USP8: variants seen among roughly 807,000 people sequenced by gnomAD.
USP8 encodes the protein ubiquitin carboxyl-terminal hydrolase 8.
Under a neutral mutation model 130.0 loss-of-function variants are expected in USP8, and 27 were observed. The ratio of observed to expected loss-of-function variants is 0.21; its 90% confidence interval spans 0.15 to 0.29. The LOEUF (loss-of-function observed/expected upper bound fraction) is 0.29, where lower values mean the gene tolerates loss of function less well. Ranked by LOEUF, USP8 falls within the 10% of genes least tolerant of loss-of-function variation. USP8 has a pLI of 1.00. For missense variants in USP8, 1,029 were observed against 1,312.2 expected (o/e 0.78, Z 3.33); for synonymous variants, 392 against 444.1 (o/e 0.88, Z 1.48).
intron 1 of USP8, among the ~76,000 whole-genome samples, chr15:50,430,899 CTG>C (rs892972355): frequency 2.0e-5 from 3 of 152,134 alleles, no homozygotes; most frequent in African/African-American, 7.2e-5. Flanking sequence ...TCGGCAATGA[CTG>C]TAGACAGTTT....
chr15:50,445,997 G>A (rs913507431), intron 3 of USP8, among the ~76,000 whole-genome samples: 4 of 151,940 alleles, frequency 2.6e-5, no homozygotes, highest in African/African-American at 9.7e-5. Context: ...GAAAAAGTGG[G>A]GAAAGAAAAT....
chr15:50,441,540 T>A, intron 3 of USP8, 47 bp downstream of exon 3: 2 of 1,477,008 alleles, frequency 1.4e-6, no homozygotes, highest in East Asian at 4.8e-5. Flanking sequence ...TTTTGCATAA[T>A]GGAGCTATTG....
intron 11 of USP8, among the ~76,000 whole-genome samples, 154 bp downstream of exon 11, chr15:50,482,219 T>C (rs2051800806): frequency 6.6e-6 from 1 of 152,256 alleles, no homozygotes; most frequent in Non-Finnish European, 1.5e-5. Flanking sequence ...GCTCATCTAT[T>C]CTCCTTTGAG....
chr15:50,466,820 C>T (rs1238654993), intron 7 of USP8: 1 of 294,802 alleles, frequency 3.4e-6, no homozygotes, highest in Non-Finnish European at 6.7e-6. Flanking sequence ...CTATGAGCCA[C>T]AGCATAAAAT....
chr15:50,429,224 T>TAAAAA (rs2049847730), intron 1 of USP8, among the ~76,000 whole-genome samples: 1 of 152,036 alleles, frequency 6.6e-6, no homozygotes, highest in African/African-American at 2.4e-5. Flanking sequence ...ACATGTCTTT[T>TAAAAA]TAATAGAGTA....
chr15:50,435,596 T>G (rs2050069547), intron 1 of USP8, among the ~76,000 whole-genome samples: 1 of 152,212 alleles, frequency 6.6e-6, no homozygotes, highest in Non-Finnish European at 1.5e-5. Flanking sequence ...CTGTTTGACT[T>G]CTGCAGAAAC....
At chr15:50,488,527 G>A (rs916593842) in intron 12 of USP8, among the ~76,000 whole-genome samples, 2 of 147,630 alleles carry the variant, frequency 1.4e-5, no homozygotes, top group East Asian at 2.0e-4. Flanking sequence ...AGGACCACAG[G>A]TGCATGCCAT....
At chr15:50,456,020 C>T (rs906961564) in intron 4 of USP8, among the ~76,000 whole-genome samples, 19 of 152,190 alleles carry the variant, frequency 1.2e-4, no homozygotes, top group African/African-American at 4.6e-4. Context: ...CTACTTTCTT[C>T]CTGATTATGG....
rs1043532824 is a variant in USP8, at chr15:50,490,346, T to G, written c.2055T>G (p.Pro685=). Residue 685 remains proline, a synonymous_variant, in exon 14 of 20, where the codon CCT becomes CCG. Transcript: ENST00000307179. ...TVHMYPPEMA[P]SSAPPSTPPT... is the part of the protein sequence containing the mutation. ...ATATGTACCCACCGGAAATGGCTCC[T>G]TCATCTGCACCTCCTTCCACCCCTC... is the stretch of plus-strand genomic sequence containing the variant. 6.2e-7 allele frequency: 1 copy of G among 1,613,872 alleles called. No homozygotes were observed. The highest frequency in any genetic ancestry group is 1.3e-5 in the African/African-American group (1 of 74,856).
intron 8 of USP8, among the ~76,000 whole-genome samples, chr15:50,474,182 TTGTAGAGATGAG>T: frequency 6.6e-6 from 1 of 152,010 alleles, no homozygotes. Flanking sequence ...TATTTTATTT[TTGTAGAGATGAG>T]ATTTCACTAT....
intron 7 of USP8, 131 bp from the exon 8 acceptor site, chr15:50,471,502 C>T (rs2051375009): frequency 1.1e-6 from 1 of 897,304 alleles, no homozygotes. Flanking sequence ...TATAACCTCA[C>T]CTTAGAAAGG....
At chr15:50,492,612 G>C (rs915889025) in intron 14 of USP8, 89 bp from the exon 15 acceptor site, 2 of 1,299,236 alleles carry the variant, frequency 1.5e-6, no homozygotes, top group Non-Finnish European at 1.1e-6. Context: ...TGTGGTACAG[G>C]TGCTACAGTT....
At chr15:50,463,002 C>T (rs1215752277) in intron 6 of USP8, among the ~76,000 whole-genome samples, 3 of 152,030 alleles carry the variant, frequency 2.0e-5, no homozygotes, top group African/African-American at 4.8e-5. Context: ...AATCCCAGCA[C>T]TTTGGGAGGC....
chr15:50,430,779 C>T (rs1451871489), intron 1 of USP8, among the ~76,000 whole-genome samples: 1 of 152,194 alleles, frequency 6.6e-6, no homozygotes. Context: ...TTAATATTTA[C>T]ATCTTAAGAT....
chr15:50,443,552 C>T (rs1174048603), intron 3 of USP8, among the ~76,000 whole-genome samples: 4 of 151,944 alleles, frequency 2.6e-5, no homozygotes, highest in African/African-American at 4.8e-5. Context: ...AGCTCAATCT[C>T]GGCTCACTGC....
chr15:50,512,687 G>A lies in USP8; in HGVS notation c.*13599G>A, dbSNP rs2141354093. Reference sequence around the variant, plus strand: ...TGCACCTGTAATCCCAGCTACTTGGGAGGCTGGGGCATGAGAATCATTTGA... The same window carrying A: ...TGCACCTGTAATCCCAGCTACTTGGAAGGCTGGGGCATGAGAATCATTTGA... On this transcript the variant is annotated 3_prime_UTR_variant, in exon 20 of 20. Transcript: ENST00000307179. 6.6e-6 allele frequency: 1 copy of A among 152,208 alleles called. No homozygotes were observed. The highest frequency in any genetic ancestry group is 2.1e-4 in the South Asian group (1 of 4,816). 9.4% of individuals were successfully genotyped at this position (152,208 alleles called of 1,614,324 possible). A position where few individuals can be genotyped will look rare whatever the true frequency, so the allele number is the denominator to read the frequency against.
intron 4 of USP8, among the ~76,000 whole-genome samples, chr15:50,456,953 C>G (rs1405157648): frequency 6.6e-6 from 1 of 152,172 alleles, no homozygotes; most frequent in Non-Finnish European, 1.5e-5. Flanking sequence ...CACTGTTTTC[C>G]TTATATTTCT....
intron 14 of USP8, among the ~76,000 whole-genome samples, chr15:50,491,526 T>A (rs572789153): frequency 5.9e-5 from 9 of 152,330 alleles, no homozygotes; most frequent in African/African-American, 2.2e-4. Flanking sequence ...TGTATTTTTT[T>A]ATATATTGAA....
Position 50,498,911 on chromosome 15 carries a change from C to T in USP8, c.3180C>T (p.Tyr1060=), listed in dbSNP as rs200789993. The change falls in exon 20 of 20, where the codon TAC becomes TAT. Residue 1060 remains tyrosine, a synonymous_variant. Coordinates refer to ENST00000307179, the MANE Select transcript of USP8 (RefSeq NM_005154.5). ...KYNLFSVSNH[Y]GGLDGGHYTA... ...TATCTTGTTTGGCACAGAATCACTA[C>T]GGTGGGCTGGATGGAGGCCACTACA... The T allele has an allele frequency of 4.2e-5, 67 of 1,605,892 alleles. No homozygotes were observed. The highest frequency in any genetic ancestry group is 1.7e-4 in the Middle Eastern group (1 of 6,008).
Sources: gnomAD v4.1 joint callset for allele counts (sites outside exome capture counted in the v4.1 genomes callset) on GRCh38, gnomAD v4.1.1 for gene constraint, MANE v1.5 for transcripts, NCBI Gene and HGNC (gene_info 2026-07-23, HGNC 2026-07-21) for gene names.